Variants in RABGAP1L observed in about 807,000 individuals in gnomAD.
The protein encoded by RABGAP1L is RAB GTPase activating protein 1 like.
RABGAP1L carries 63 observed loss-of-function variants against 137.7 expected under a neutral mutation model. That is an observed-to-expected ratio of 0.46 (90% CI 0.37 to 0.56). RABGAP1L has a LOEUF of 0.56. RABGAP1L is among the 20% of genes least tolerant of loss of function. RABGAP1L has a pLI of 0.00. For missense variants in RABGAP1L, 1,095 were observed against 1,244.0 expected, an observed-to-expected ratio of 0.88 and a Z score of 1.80; for synonymous variants, 431 against 433.7, an observed-to-expected ratio of 0.99 and a Z score of 0.08.
intron 13 of RABGAP1L, among the ~76,000 whole-genome samples, chr1:174,517,890 T>G (rs1663010098): frequency 6.6e-6 from 1 of 152,232 alleles, no homozygotes; most frequent in Non-Finnish European, 1.5e-5. Context: ...ATTTGGCAGT[T>G]AAGCATATTA....
intron 1 of RABGAP1L, among the ~76,000 whole-genome samples, chr1:174,198,976 C>T (rs866925229): frequency 1.3e-5 from 2 of 152,202 alleles, no homozygotes; most frequent in South Asian, 2.1e-4. Context: ...GGCGTGGTGG[C>T]GCATGCCTGT....
intron 13 of RABGAP1L, among the ~76,000 whole-genome samples, chr1:174,419,065 A>G (rs1489365779): frequency 1.3e-5 from 2 of 152,162 alleles, no homozygotes; most frequent in Non-Finnish European, 2.9e-5. Flanking sequence ...TAAGAATACA[A>G]TATAAGGTAC....
intron 12 of RABGAP1L, among the ~76,000 whole-genome samples, chr1:174,383,667 C>G (rs951384485): frequency 6.6e-6 from 1 of 152,126 alleles, no homozygotes; most frequent in Non-Finnish European, 1.5e-5. Flanking sequence ...GTGCGCGCAC[C>G]CACTGGCCTG....
intron 12 of RABGAP1L, among the ~76,000 whole-genome samples, chr1:174,384,243 A>G (rs1447138703): frequency 1.3e-5 from 2 of 152,220 alleles, no homozygotes; most frequent in African/African-American, 2.4e-5. Flanking sequence ...CATAGGAAGC[A>G]TGTCAGTAGT....
intron 1 of RABGAP1L, among the ~76,000 whole-genome samples, chr1:174,198,027 C>T (rs751775295): frequency 1.6e-4 from 24 of 152,008 alleles, no homozygotes; most frequent in African/African-American, 4.3e-4. Context: ...CTCTAAAATG[C>T]GCATATTTAA....
At chr1:174,230,474 T>G (rs1213086936) in intron 3 of RABGAP1L, among the ~76,000 whole-genome samples, 1 of 152,134 alleles carries the variant, frequency 6.6e-6, no homozygotes, top group African/African-American at 2.4e-5. Flanking sequence ...TCTGGTCTTG[T>G]CCTGTGTCTG....
chr1:174,263,878 GC>G (rs1673805091), intron 7 of RABGAP1L, among the ~76,000 whole-genome samples: 2 of 151,570 alleles, frequency 1.3e-5, no homozygotes, highest in South Asian at 4.2e-4. Context: ...TTTTTGGGGG[GC>G]CGGGGGATGT....
intron 14 of RABGAP1L, among the ~76,000 whole-genome samples, chr1:174,664,734 C>CTTTTTTTTTTT (rs71701825): frequency 8.2e-5 from 8 of 97,568 alleles, no homozygotes; most frequent in East Asian, 2.8e-4. Context: ...TTTCTGCTTT[C>CTTTTTTTTTTT]TTTTTTTTTT....
intron 10 of RABGAP1L, among the ~76,000 whole-genome samples, 200 bp from the exon 11 acceptor site, chr1:174,304,786 T>C (rs975856480): frequency 6.6e-6 from 1 of 152,182 alleles, no homozygotes; most frequent in African/African-American, 2.4e-5. Context: ...TAGTTAAAAA[T>C]AATACTAGAG....
In RABGAP1L at chr1:174,238,779, G is replaced by A. The variant is rs1671474552; in HGVS notation, c.543-2704G>A. ...TACAGAGGCAGGCAGGCCTCCTTGA[G>A]CTGTGGTGGGCTCCACCCAGTTCGA... On this transcript the variant is annotated intron_variant, in intron 4 of 25. Transcript: ENST00000681986. 3 of 151,410 alleles carry A rather than the reference G, an allele frequency of 2.0e-5. No homozygotes were observed. The East Asian group carries it at 5.8e-4, about 29-fold the overall frequency. The allele number at this position is 151,410 out of a possible 1,614,324, so 9.4% of individuals were successfully genotyped here. A position where few individuals can be genotyped will look rare whatever the true frequency, so the allele number is the denominator to read the frequency against.
intron 1 of RABGAP1L, among the ~76,000 whole-genome samples, chr1:174,169,373 C>G (rs77379897): frequency 1.3e-5 from 2 of 151,764 alleles, no homozygotes; most frequent in Non-Finnish European, 2.9e-5. Context: ...ACCACAGGCA[C>G]GTGCCATCAT....
chr1:174,241,086 C>T (rs1401882321), intron 4 of RABGAP1L, among the ~76,000 whole-genome samples: 2 of 152,024 alleles, frequency 1.3e-5, no homozygotes, highest in African/African-American at 4.8e-5. Context: ...TTTGGGAGGC[C>T]AACGCGGGGG....
At chr1:174,416,035 T>TATATATATACACATATAC (rs943543276) in intron 13 of RABGAP1L, among the ~76,000 whole-genome samples, 2,310 of 83,746 alleles carry the variant, frequency 0.028, 181 homozygotes, top group African/African-American at 0.15. Flanking sequence ...TATATATATA[T>TATATATATACACATATAC]ACACACACAT....
intron 9 of RABGAP1L, among the ~76,000 whole-genome samples, chr1:174,276,910 C>A (rs1675048762): frequency 6.6e-6 from 1 of 151,942 alleles, no homozygotes; most frequent in Non-Finnish European, 1.5e-5. Context: ...GTTTTACCTG[C>A]CGAGTTATAT....
intron 13 of RABGAP1L, among the ~76,000 whole-genome samples, chr1:174,468,196 T>A (rs1274407972): frequency 6.6e-5 from 10 of 152,174 alleles, no homozygotes; most frequent in Non-Finnish European, 1.5e-4. Context: ...AACAGTTTCT[T>A]TTATATTGTA....
At chr1:174,890,974 A>AT (rs1656047073) in intron 19 of RABGAP1L, among the ~76,000 whole-genome samples, 1 of 152,232 alleles carries the variant, frequency 6.6e-6, no homozygotes, top group African/African-American at 2.4e-5. Context: ...GTGTGTGAGT[A>AT]TATCTGTAGA....
At chr1:174,660,167 T>C (rs532710572) in intron 14 of RABGAP1L, among the ~76,000 whole-genome samples, 2 of 152,262 alleles carry the variant, frequency 1.3e-5, no homozygotes, top group Non-Finnish European at 2.9e-5. Flanking sequence ...TGAAGGACCT[T>C]GTTCGCTCTC....
At chr1:174,950,872 A>G (rs1667596090) in intron 19 of RABGAP1L, among the ~76,000 whole-genome samples, 2 of 152,214 alleles carry the variant, frequency 1.3e-5, no homozygotes, top group African/African-American at 4.8e-5. Flanking sequence ...GCCTTTAAAA[A>G]AGAAAAACAC....
At chr1:174,354,664 A>G (rs1683465971) in intron 11 of RABGAP1L, among the ~76,000 whole-genome samples, 1 of 152,260 alleles carries the variant, frequency 6.6e-6, no homozygotes, top group South Asian at 2.1e-4. Flanking sequence ...CTTTAGTTTA[A>G]TTAGATCCCA....
Sources: gnomAD v4.1 joint callset for allele counts (sites outside exome capture counted in the v4.1 genomes callset) on GRCh38, gnomAD v4.1.1 for gene constraint, MANE v1.5 for transcripts, NCBI Gene and HGNC (gene_info 2026-07-23, HGNC 2026-07-21) for gene names.